NFIA: variants seen among roughly 807,000 people sequenced by gnomAD.
The protein encoded by NFIA is nuclear factor I A, also known as nuclear factor 1 A-type.
NFIA carries 8 observed loss-of-function variants against 62.8 expected under a neutral mutation model. That is an observed-to-expected ratio of 0.13 (90% CI 0.07 to 0.23). The LOEUF is 0.23. NFIA is among the 10% of genes least tolerant of loss of function. The pLI, the probability that NFIA is intolerant of heterozygous loss-of-function variation, is 1.00. For synonymous variants in NFIA, 235 were observed against 238.1 expected (o/e 0.99, Z 0.12); for missense variants, 410 against 642.1 (o/e 0.64, Z 3.91).
intron 2 of NFIA, among the ~76,000 whole-genome samples, chr1:61,137,745 G>A (rs1029296957): frequency 2.6e-5 from 4 of 152,076 alleles, no homozygotes; most frequent in South Asian, 4.1e-4. Context: ...TGTTTTCATT[G>A]CCCATAGTAT....
chr1:61,163,472 T>G (rs1176701838), intron 2 of NFIA, among the ~76,000 whole-genome samples: 1 of 152,208 alleles, frequency 6.6e-6, no homozygotes, highest in Non-Finnish European at 1.5e-5. Flanking sequence ...ATGGTATTTG[T>G]AAAGCATTCA....
intron 2 of NFIA, among the ~76,000 whole-genome samples, chr1:61,156,482 A>C (rs936533633): frequency 4.6e-5 from 7 of 152,184 alleles, no homozygotes; most frequent in Non-Finnish European, 8.8e-5. Context: ...AGAGCATTTT[A>C]CTGACTATAG....
chr1:61,137,677 A>G (rs762521310), intron 2 of NFIA, among the ~76,000 whole-genome samples: 1 of 152,120 alleles, frequency 6.6e-6, no homozygotes, highest in Non-Finnish European at 1.5e-5. Context: ...TAGTGATTCC[A>G]GGTAGGCAAC....
At position 61,335,766 on chromosome 1, in the gene NFIA, C is replaced by T. The variant is rs374791197; in HGVS notation, c.700+3180C>T. On this transcript the variant is annotated intron_variant, in intron 4 of 10. Transcript: ENST00000403491. ...CTGAGGCAGGAGAATCGCTTGAACC[C>T]GGGAGACGGAGGTTGCAGTGAGCTG... is the stretch of plus-strand genomic sequence containing the variant. 9.2e-5 allele frequency among the ~76,000 whole-genome samples: 14 copies of T among 151,842 alleles called. No individual in the cohort carries two copies. The South Asian group carries it at 1.3e-3, about 14-fold the overall frequency.
At chr1:61,220,609 AAG>A (rs908834365) in intron 2 of NFIA, among the ~76,000 whole-genome samples, 1 of 152,230 alleles carries the variant, frequency 6.6e-6, no homozygotes, top group African/African-American at 2.4e-5. Context: ...TGCCAATTAT[AAG>A]AGAAATTGTA....
intron 6 of NFIA, among the ~76,000 whole-genome samples, chr1:61,372,348 A>T (rs1436253913): frequency 3.3e-5 from 5 of 152,156 alleles, no homozygotes; most frequent in Non-Finnish European, 7.4e-5. Flanking sequence ...TATTTCTAAG[A>T]TATGAAGACA....
At chr1:61,432,977 TG>T (rs1667170961) in intron 10 of NFIA, among the ~76,000 whole-genome samples, 1 of 152,200 alleles carries the variant, frequency 6.6e-6, no homozygotes, top group Non-Finnish European at 1.5e-5. Context: ...AGAGTACATT[TG>T]TCCCATGGTA....
intron 5 of NFIA, among the ~76,000 whole-genome samples, chr1:61,358,309 A>AGAT (rs1663071115): frequency 7.5e-6 from 1 of 132,758 alleles, no homozygotes; most frequent in Admixed American, 8.2e-5. Flanking sequence ...TCCAAGTGGA[A>AGAT]GATGGGAAAA....
intron 6 of NFIA, among the ~76,000 whole-genome samples, chr1:61,368,277 A>G (rs1470404740): frequency 6.6e-6 from 1 of 152,174 alleles, no homozygotes; most frequent in Non-Finnish European, 1.5e-5. Context: ...CACCATCCTC[A>G]GTACAGCCCC....
At chr1:61,134,549 TATAAC>T (rs1647145582) in intron 2 of NFIA, among the ~76,000 whole-genome samples, 6 of 152,324 alleles carry the variant, frequency 3.9e-5, no homozygotes, top group African/African-American at 1.2e-4. Flanking sequence ...CTATACAGGC[TATAAC>T]ATATGACTTA....
chr1:61,095,632 A>T (rs1646398257), intron 2 of NFIA, among the ~76,000 whole-genome samples: 1 of 152,230 alleles, frequency 6.6e-6, no homozygotes, highest in African/African-American at 2.4e-5. Context: ...GCCACACTTG[A>T]TAAAGAGAGA....
chr1:61,314,825 TG>T (rs1660286932), intron 3 of NFIA, among the ~76,000 whole-genome samples: 1 of 152,204 alleles, frequency 6.6e-6, no homozygotes, highest in Non-Finnish European at 1.5e-5. Context: ...ACATTTGAAC[TG>T]GATCTTCCTG....
chr1:61,219,459 A>G (rs1018413500), intron 2 of NFIA, among the ~76,000 whole-genome samples: 5 of 152,134 alleles, frequency 3.3e-5, no homozygotes, highest in Admixed American at 3.3e-4. Flanking sequence ...TCACACCTGT[A>G]ATCCCAACAC....
Position 61,183,198 on chromosome 1 carries a change from T to A in NFIA, c.560-94322T>A, listed in dbSNP as rs1462427995. Among the ~76,000 whole-genome samples the A allele has an allele frequency of 4.6e-5, 7 of 152,208 alleles. No individual in the cohort carries two copies. In the South Asian group the frequency reaches 1.4e-3, roughly 32 times the overall value. On this transcript the variant is annotated intron_variant, in intron 2 of 10. Transcript: ENST00000403491. ...AGAGGTTTCTTTTAATTTCTTTTAC[T>A]GCAGGAATTTCAGAGATGCTTAAAT...
intron 6 of NFIA, among the ~76,000 whole-genome samples, chr1:61,359,654 C>T (rs575876169): frequency 6.6e-6 from 1 of 152,256 alleles, no homozygotes; most frequent in South Asian, 2.1e-4. Context: ...GATCTTGGCT[C>T]ACTGCAACCT....
intron 3 of NFIA, among the ~76,000 whole-genome samples, chr1:61,329,338 C>T (rs1026784774): frequency 1.3e-5 from 2 of 151,106 alleles, no homozygotes; most frequent in African/African-American, 4.9e-5. Flanking sequence ...GAGCCACTGC[C>T]CCCGGCCTGA....
At chr1:61,155,816 G>A (rs1243282801) in intron 2 of NFIA, among the ~76,000 whole-genome samples, 1 of 151,692 alleles carries the variant, frequency 6.6e-6, no homozygotes, top group Non-Finnish European at 1.5e-5. Context: ...GTGTGCTGGT[G>A]AAAGTCCTAA....
At chr1:61,399,569 T>A (rs1329722880) in intron 7 of NFIA, among the ~76,000 whole-genome samples, 1 of 152,192 alleles carries the variant, frequency 6.6e-6, no homozygotes, top group African/African-American at 2.4e-5. Context: ...CCCATAAAAT[T>A]TTGGTTTGAG....
intron 2 of NFIA, among the ~76,000 whole-genome samples, chr1:61,193,466 T>C (rs1651781761): frequency 6.6e-6 from 1 of 152,204 alleles, no homozygotes; most frequent in East Asian, 1.9e-4. Flanking sequence ...TACCCTCCCT[T>C]CCTGTCTAAA....
Sources: allele counts gnomAD v4.1 joint callset (sites outside exome capture counted in the v4.1 genomes callset), GRCh38; gene constraint gnomAD v4.1.1; transcripts MANE v1.5; gene names NCBI Gene and HGNC (gene_info 2026-07-23, HGNC 2026-07-21).